Variants in TBL1X observed in about 807,000 individuals in gnomAD.
The protein encoded by TBL1X is F-box-like/WD repeat-containing protein TBL1X.
TBL1X carries 10 observed loss-of-function variants against 50.7 expected under a neutral mutation model. The observed-to-expected ratio is 0.20, with a 90% CI of 0.12 to 0.33. TBL1X has a LOEUF of 0.33. Ranked by LOEUF, TBL1X falls within the 10% of genes least tolerant of loss-of-function variation. The probability of loss-of-function intolerance (pLI) is 1.00; values close to 1 mark genes in which losing one functional copy is unlikely to be tolerated. For missense variants in TBL1X, 340 were observed against 504.4 expected, an observed-to-expected ratio of 0.67 and a Z score of 3.12; for synonymous variants, 190 against 214.7, an observed-to-expected ratio of 0.88 and a Z score of 1.01.
intron 2 of TBL1X, among the ~76,000 whole-genome samples, chrX:9,582,134 T>TA (rs2082446112): frequency 1.8e-5 from 2 of 112,323 alleles, no homozygotes; most frequent in African/African-American, 6.5e-5. Flanking sequence ...TGGCTTCTGT[T>TA]ACACAGTTTC....
At chrX:9,699,195 G>A (rs1205847038) in intron 12 of TBL1X, among the ~76,000 whole-genome samples, 1 of 111,274 alleles carries the variant, frequency 9.0e-6, no homozygotes, top group African/African-American at 3.3e-5. Flanking sequence ...TGGCCAGGCT[G>A]GTCTCAAACT....
chrX:9,626,495 T>G (rs2082693573), intron 2 of TBL1X, among the ~76,000 whole-genome samples: 1 of 112,109 alleles, frequency 8.9e-6, no homozygotes, highest in African/African-American at 3.2e-5. Context: ...TGCCGTTAGT[T>G]TACAGAGGTC....
intron 2 of TBL1X, among the ~76,000 whole-genome samples, chrX:9,553,461 A>G (rs1225151057): frequency 8.9e-6 from 1 of 112,034 alleles, no homozygotes; most frequent in African/African-American, 3.3e-5. Context: ...TGCTTATGGT[A>G]GCCGAGCTGG....
At chrX:9,531,409 G>A (rs1404959462) in intron 2 of TBL1X, among the ~76,000 whole-genome samples, 1 of 106,996 alleles carries the variant, frequency 9.3e-6, no homozygotes, top group Non-Finnish European at 1.9e-5. Flanking sequence ...GTGTTGGTGT[G>A]TGTTGGTGGT....
intron 2 of TBL1X, among the ~76,000 whole-genome samples, chrX:9,619,559 C>T (rs2082656200): frequency 8.9e-6 from 1 of 112,651 alleles, no homozygotes; most frequent in Admixed American, 9.4e-5. Context: ...AACTGATTCA[C>T]ACTTACCCTG....
chrX:9,518,502 A>T (rs768988090), intron 2 of TBL1X, among the ~76,000 whole-genome samples: 1 of 112,392 alleles, frequency 8.9e-6, no homozygotes, highest in Non-Finnish European at 1.9e-5. Flanking sequence ...TAAAGTGCCA[A>T]TAGTCCTGGG....
At chrX:9,540,195 G>A (rs1226336153) in intron 2 of TBL1X, among the ~76,000 whole-genome samples, 3 of 112,407 alleles carry the variant, frequency 2.7e-5, no homozygotes, top group South Asian at 3.7e-4. Flanking sequence ...CGTTAGCCAG[G>A]ATTTGGGTTC....
intron 2 of TBL1X, among the ~76,000 whole-genome samples, chrX:9,551,004 C>T (rs2082268217): frequency 9.0e-6 from 1 of 111,387 alleles, no homozygotes; most frequent in African/African-American, 3.3e-5. Context: ...ATGTTCATAG[C>T]GCCAGAGGTG....
At position 9,699,460 on chromosome X, in the gene TBL1X, G is replaced by A. The variant is rs187553404; in HGVS notation, c.1114+2031G>A. 1.0e-3 allele frequency among the ~76,000 whole-genome samples: 114 copies of A among 112,068 alleles called. No individual in the cohort carries two copies. The South Asian group carries it at 0.021, about 20-fold the overall frequency. On this transcript the variant is annotated intron_variant, in intron 12 of 17. Coordinates refer to ENST00000645353, the MANE Select transcript of TBL1X (RefSeq NM_005647.4). ...GAAGGAATCCCTAAATATGTGGGAC[G>A]AAAGTTAACTATTCTATCAGCTGTC... is the stretch of plus-strand genomic sequence containing the variant.
rs1278647316 is a variant in TBL1X, at chrX:9,551,466, A to G, written c.-131+49617A>G. Among the ~76,000 whole-genome samples the G allele has an allele frequency of 3.6e-5, 4 of 110,622 alleles. No individual in the cohort carries two copies. In the Admixed American group the frequency reaches 3.8e-4, roughly 11 times the overall value. On this transcript the variant is annotated intron_variant, in intron 2 of 17. Coordinates refer to ENST00000645353, the MANE Select transcript of TBL1X (RefSeq NM_005647.4). Reference sequence around the variant, plus strand: ...AGGTTCCAAGTAGAGTAGGTTTTCTATTTTCAAAATGTAGTTCACGGTGTC... The same window carrying G: ...AGGTTCCAAGTAGAGTAGGTTTTCTGTTTTCAAAATGTAGTTCACGGTGTC...
At chrX:9,663,613 TAGCC>T (rs2082910604) in intron 5 of TBL1X, among the ~76,000 whole-genome samples, 1 of 110,557 alleles carries the variant, frequency 9.0e-6, no homozygotes, top group Admixed American at 9.6e-5. Context: ...ACAAAAAAAT[TAGCC>T]AGGCGTGGTG....
At chrX:9,695,520 A>G (rs1320827651) in intron 11 of TBL1X, among the ~76,000 whole-genome samples, 2 of 112,647 alleles carry the variant, frequency 1.8e-5, no homozygotes, top group Non-Finnish European at 3.7e-5. Context: ...GCTCTCAGTA[A>G]TTGCTGCTTG....
intron 3 of TBL1X, among the ~76,000 whole-genome samples, chrX:9,649,083 G>T (rs188446376): frequency 1.1e-3 from 120 of 111,829 alleles, no homozygotes; most frequent in African/African-American, 3.8e-3. Context: ...CTGATGGATG[G>T]TTTCTCTTGA....
intron 2 of TBL1X, among the ~76,000 whole-genome samples, chrX:9,603,387 G>T (rs2082566357): frequency 8.9e-6 from 1 of 112,671 alleles, no homozygotes. Context: ...TGCGTGTATG[G>T]CAGTGTGTAT....
chrX:9,566,534 C>T (rs1023291549), intron 2 of TBL1X, among the ~76,000 whole-genome samples: 10 of 111,671 alleles, frequency 9.0e-5, no homozygotes, highest in East Asian at 8.4e-4. Context: ...GCTCTTGGCC[C>T]GGTTAATTCA....
intron 2 of TBL1X, among the ~76,000 whole-genome samples, chrX:9,526,981 G>A (rs1401151222): frequency 9.0e-6 from 1 of 111,701 alleles, no homozygotes; most frequent in Non-Finnish European, 1.9e-5. Context: ...ATTTAGAAAG[G>A]CCCCGCCACA....
At position 9,612,826 on chromosome X, in the gene TBL1X, A is replaced by G. The variant is rs769815662; in HGVS notation, c.-130-27447A>G. Reference sequence around the variant, plus strand: ...TACTCCATAAATATATACACTTACTATGTAACCGCAAAAATTTTAAGAATA... The same window carrying G: ...TACTCCATAAATATATACACTTACTGTGTAACCGCAAAAATTTTAAGAATA... On this transcript the variant is annotated intron_variant, in intron 2 of 17. Transcript: ENST00000645353. Among the ~76,000 whole-genome samples, 3 of 111,459 alleles carry G rather than the reference A, an allele frequency of 2.7e-5. No individual in the cohort carries two copies. The East Asian group carries it at 8.4e-4, about 31-fold the overall frequency.
intron 15 of TBL1X, 114 bp from the exon 16 acceptor site, chrX:9,711,494 TATC>T (rs1379185956): frequency 4.1e-6 from 3 of 725,655 alleles, no homozygotes; most frequent in Non-Finnish European, 3.7e-6. Context: ...TTTTAGTTAT[TATC>T]TTTTGAAACG....
intron 3 of TBL1X, among the ~76,000 whole-genome samples, chrX:9,642,403 G>A (rs186625964): frequency 3.6e-5 from 4 of 111,599 alleles, no homozygotes; most frequent in Non-Finnish European, 7.5e-5. Context: ...CCTATGCTGC[G>A]TGCTGCGTCT....
Sources: allele counts gnomAD v4.1 joint callset (sites outside exome capture counted in the v4.1 genomes callset), GRCh38; gene constraint gnomAD v4.1.1; transcripts MANE v1.5; gene names NCBI Gene and HGNC (gene_info 2026-07-23, HGNC 2026-07-21).